PALLD: variants seen among roughly 807,000 people sequenced by gnomAD.
PALLD encodes palladin.
A neutral mutation model predicts 123.5 loss-of-function variants in PALLD; 61 were observed. The observed-to-expected ratio is 0.49, with a 90% CI of 0.40 to 0.61. The LOEUF is 0.61. Ranked by LOEUF, PALLD falls within the 20% of genes least tolerant of loss-of-function variation. PALLD has a pLI of 0.00. For missense variants in PALLD, 1,273 were observed against 1,377.0 expected (o/e 0.92, Z 1.20); for synonymous variants, 465 against 496.4 (o/e 0.94, Z 0.84).
intron 10 of PALLD, among the ~76,000 whole-genome samples, chr4:168,768,872 C>T (rs28715598): frequency 0.33 from 48,324 of 145,872 alleles, 8,351 homozygotes; most frequent in Non-Finnish European, 0.41. Context: ...GGGATTTCAC[C>T]ATTTGGCTGG....
chr4:168,578,177 C>A (rs62335499), intron 2 of PALLD, among the ~76,000 whole-genome samples: 3 of 151,958 alleles, frequency 2.0e-5, no homozygotes, highest in African/African-American at 7.3e-5. Context: ...TGGACATACA[C>A]CTTCCATTAA....
intron 2 of PALLD, among the ~76,000 whole-genome samples, chr4:168,600,898 T>C (rs1772576808): frequency 6.6e-6 from 1 of 152,198 alleles, no homozygotes; most frequent in South Asian, 2.1e-4. Context: ...AAGAAAAAGG[T>C]AACTCCTAAA....
intron 18 of PALLD, 99 bp downstream of exon 18, chr4:168,921,840 AT>A: frequency 1.1e-6 from 1 of 946,314 alleles, no homozygotes; most frequent in Non-Finnish European, 1.7e-6. Context: ...AAAATAAAGT[AT>A]TGAAAAAATA....
chr4:168,663,978 G>C (rs1337295967), intron 2 of PALLD, among the ~76,000 whole-genome samples: 4 of 152,176 alleles, frequency 2.6e-5, no homozygotes, highest in African/African-American at 9.7e-5. Flanking sequence ...ATAACAAATA[G>C]TGAAGAAATC....
intron 1 of PALLD, among the ~76,000 whole-genome samples, chr4:168,501,243 C>G (rs186762045): frequency 6.6e-6 from 1 of 152,154 alleles, no homozygotes; most frequent in East Asian, 1.9e-4. Context: ...GAGACCCTAT[C>G]TCTACAGAAA....
At position 168,921,699 on chromosome 4, in the gene PALLD, C is replaced by G; in HGVS notation, c.3016C>G (p.Arg1006Gly). The G allele has an allele frequency of 6.2e-7, 1 of 1,611,522 alleles. No individual in the cohort carries two copies. Among genetic ancestry groups the G allele is most frequent in the Non-Finnish European group, 8.5e-7 (1 of 1,179,790 alleles). Residue 1006 changes from arginine to glycine, a missense_variant, in exon 18 of 22, where the codon CGA becomes GGA. Around this residue, in one of 2 missense-constraint regions of PALLD, gnomAD observed 329 missense variants for 422.5 expected, o/e 0.78. Coordinates refer to ENST00000505667, the MANE Select transcript of PALLD (RefSeq NM_001166108.2). ...CATCTACACATGTATAGCTACCAACCGAGCAGGACAGAACTCATTCAGCCT... is the reference window on the plus strand; with the variant it reads ...CATCTACACATGTATAGCTACCAACGGAGCAGGACAGAACTCATTCAGCCT... ...AGIYTCIATN[R>G]AGQNSFSLEL... is the part of the protein sequence containing the mutation.
rs757638611 is a variant in PALLD, at chr4:168,543,734, AT to A, written c.908+31324del. 1.9e-3 allele frequency among the ~76,000 whole-genome samples: 290 copies of A among 152,328 alleles called. 1 individual carries two copies. The highest frequency in any genetic ancestry group is 3.2e-3 in the Non-Finnish European group (217 of 68,026). On this transcript the variant is annotated intron_variant, in intron 2 of 21. Coordinates refer to ENST00000505667, the MANE Select transcript of PALLD (RefSeq NM_001166108.2). ...AAAGATACCCCACCTTATAGACACTATTGGCTCCCTCCAGCCTTTCGAAAAG... is the reference window on the plus strand; with the variant it reads ...AAAGATACCCCACCTTATAGACACTATGGCTCCCTCCAGCCTTTCGAAAAG...
chr4:168,793,123 G>GTGTGCATATATATACATATA (rs1737784190), intron 10 of PALLD, among the ~76,000 whole-genome samples: 1 of 142,814 alleles, frequency 7.0e-6, no homozygotes, highest in Admixed American at 7.1e-5. Flanking sequence ...TTATATATGT[G>GTGTGCATATATATACATATA]TGTGCATATA....
intron 10 of PALLD, among the ~76,000 whole-genome samples, chr4:168,797,549 C>T (rs9312367): frequency 0.45 from 68,290 of 151,878 alleles, 17,400 homozygotes; most frequent in Non-Finnish European, 0.59. Context: ...AGGTGCCTTA[C>T]GAAAAAGAAA....
At chr4:168,915,832 CTA>C (rs1386757601) in intron 16 of PALLD, 61 bp from the exon 17 acceptor site, 7 of 1,321,946 alleles carry the variant, frequency 5.3e-6, no homozygotes, top group Non-Finnish European at 3.3e-6. Context: ...AAACAGATGA[CTA>C]AAAGTCTGGA....
At chr4:168,611,357 C>A (rs1363210915) in intron 2 of PALLD, among the ~76,000 whole-genome samples, 1 of 152,200 alleles carries the variant, frequency 6.6e-6, no homozygotes, top group Non-Finnish European at 1.5e-5. Flanking sequence ...AAATCACTCT[C>A]TGCTGAACTG....
rs587780202 is a variant in PALLD, at chr4:168,511,937, G to A, written c.433G>A (p.Ala145Thr). 2.5e-6 allele frequency: 4 copies of A among 1,614,074 alleles called. No homozygotes were observed. The African/African-American group carries it at 5.3e-5, about 22-fold the overall frequency. Residue 145 changes from alanine to threonine, a missense_variant, in exon 2 of 22, where the codon GCA becomes ACA. By Grantham distance (58) the Ala-to-Thr change is moderately conservative. Around this residue, in one of 2 missense-constraint regions of PALLD, gnomAD observed 944 missense variants for 954.5 expected, o/e 0.99. Coordinates refer to ENST00000505667, the MANE Select transcript of PALLD (RefSeq NM_001166108.2). ...RSLRKAEKRGAKTPSTNVKPK... is the reference protein window; with the variant it reads ...RSLRKAEKRGTKTPSTNVKPK... Reference sequence around the variant, plus strand: ...CCTCCGAAAGGCTGAAAAGCGTGGTGCAAAAACTCCCAGCACAAACGTAAA... The same window carrying A: ...CCTCCGAAAGGCTGAAAAGCGTGGTACAAAAACTCCCAGCACAAACGTAAA...
At chr4:168,602,133 A>C (rs542211060) in intron 2 of PALLD, among the ~76,000 whole-genome samples, 1 of 152,326 alleles carries the variant, frequency 6.6e-6, no homozygotes, top group Admixed American at 6.5e-5. Flanking sequence ...GCAGGGTCAC[A>C]AGGTCCAAAG....
At chr4:168,735,366 G>C (rs1487300327) in intron 10 of PALLD, among the ~76,000 whole-genome samples, 1 of 152,188 alleles carries the variant, frequency 6.6e-6, no homozygotes, top group East Asian at 1.9e-4. Flanking sequence ...GAGAAGGAAA[G>C]AGAGTATTTA....
intron 10 of PALLD, among the ~76,000 whole-genome samples, chr4:168,753,177 C>G (rs1731296886): frequency 6.6e-6 from 1 of 152,082 alleles, no homozygotes; most frequent in Admixed American, 6.5e-5. Context: ...GAAGACTCTC[C>G]CCTCTTAATA....
At position 168,926,697 on chromosome 4, in the gene PALLD, T is replaced by TATTA. The variant is rs1762620737; in HGVS notation, c.*518_*521dup. On this transcript the variant is annotated 3_prime_UTR_variant, in exon 22 of 22. Coordinates refer to ENST00000505667, the MANE Select transcript of PALLD (RefSeq NM_001166108.2). ...ATTGTTCACAGGTAACTACAATTTG[T>TATTA]ATTATCTACAAGTGCCTTTAAACAC... is the stretch of plus-strand genomic sequence containing the variant. 2.9e-6 allele frequency: 1 copy of TATTA among 342,856 alleles called. No individual in the cohort carries two copies. The highest frequency in any genetic ancestry group is 2.1e-5 in the African/African-American group (1 of 48,158). 21.2% of individuals were successfully genotyped at this position (342,856 alleles called of 1,614,324 possible).
At chr4:168,801,600 G>C (rs993683451) in intron 10 of PALLD, among the ~76,000 whole-genome samples, 1 of 152,158 alleles carries the variant, frequency 6.6e-6, no homozygotes, top group South Asian at 2.1e-4. Flanking sequence ...TTTAAAAGAC[G>C]TGCAGATAGA....
intron 2 of PALLD, among the ~76,000 whole-genome samples, chr4:168,661,888 C>T (rs1485860400): frequency 2.0e-5 from 3 of 152,114 alleles, no homozygotes; most frequent in Non-Finnish European, 4.4e-5. Context: ...ATGACAACTA[C>T]TTCACAAGGT....
chr4:168,705,895 G>T (rs565632606), intron 8 of PALLD, among the ~76,000 whole-genome samples: 1 of 152,060 alleles, frequency 6.6e-6, no homozygotes, highest in African/African-American at 2.4e-5. Flanking sequence ...CGCCTGCCTC[G>T]GCCTCCCAAA....
Sources: allele counts gnomAD v4.1 joint callset (sites outside exome capture counted in the v4.1 genomes callset), GRCh38; gene constraint gnomAD v4.1.1; regional missense constraint gnomAD v4.1.1; transcripts MANE v1.5; gene names NCBI Gene and HGNC (gene_info 2026-07-23, HGNC 2026-07-21).